Variants in TMEM230 observed in about 807,000 individuals in gnomAD.
TMEM230 encodes the protein UPF0414 transmembrane protein C20orf30.
TMEM230 carries 10 observed loss-of-function variants against 15.8 expected under a neutral mutation model. That is an observed-to-expected ratio of 0.63 (90% CI 0.39 to 1.07). The LOEUF (loss-of-function observed/expected upper bound fraction) is 1.07, where lower values mean the gene tolerates loss of function less well. TMEM230 is among the 50% of genes least tolerant of loss of function. The pLI is 0.01. For synonymous variants in TMEM230, 67 were observed against 76.9 expected (o/e 0.87, Z 0.68); for missense variants, 165 against 193.3 (o/e 0.85, Z 0.87).
intron 3 of TMEM230, among the ~76,000 whole-genome samples, chr20:5,082,078 G>A (rs1002144206): frequency 3.4e-4 from 51 of 151,062 alleles, no homozygotes; most frequent in African/African-American, 1.2e-3. Context: ...GCAGAGATGT[G>A]GTTTCGCCAT....
At chr20:5,106,078 AAC>A (rs61087830) in intron 4 of TMEM230, 108 bp downstream of exon 3, 20,441 of 546,048 alleles carry the variant, frequency 0.037, 28 homozygotes, top group East Asian at 0.05. Flanking sequence ...GGGACGGACA[AAC>A]ACACACACAC....
chr20:5,078,857 A>G (rs113470464), intron 3 of TMEM230, among the ~76,000 whole-genome samples: 4,253 of 151,804 alleles, frequency 0.028, 190 homozygotes, highest in African/African-American at 0.096. Context: ...TGGTGTGATC[A>G]TGGTTCCCTG....
chr20:5,083,223 C>T (rs1312640281), intron 3 of TMEM230, among the ~76,000 whole-genome samples: 8 of 151,720 alleles, frequency 5.3e-5, no homozygotes, highest in South Asian at 2.1e-4. Flanking sequence ...CCACCGCACC[C>T]GGCCTAATTC....
intron 4 of TMEM230, among the ~76,000 whole-genome samples, chr20:5,103,800 A>G (rs1182213894): frequency 6.6e-6 from 1 of 152,202 alleles, no homozygotes; most frequent in Admixed American, 6.5e-5. Flanking sequence ...AGAATGGATT[A>G]AACACTTAAA....
At chr20:5,074,220 T>A (rs1242140869) in intron 3 of TMEM230, among the ~76,000 whole-genome samples, 2 of 152,138 alleles carry the variant, frequency 1.3e-5, no homozygotes, top group African/African-American at 4.8e-5. Context: ...ATCCAAACCA[T>A]ATCACTGCCC....
chr20:5,096,702 G>C (rs540045269), downstream of TMEM230, among the ~76,000 whole-genome samples: 1 of 152,298 alleles, frequency 6.6e-6, no homozygotes, highest in African/African-American at 2.4e-5. Context: ...AGAGCAGCTG[G>C]CCTGCTAGGC....
chr20:5,086,233 A>T (rs2089333661), intron 3 of TMEM230, among the ~76,000 whole-genome samples: 1 of 63,966 alleles, frequency 1.6e-5, no homozygotes, highest in Admixed American at 1.3e-4. Flanking sequence ...TTTCTATTAA[A>T]AAAAAAAAAA....
chr20:5,102,218 TG>T (rs1422225321), intron 4 of TMEM230, among the ~76,000 whole-genome samples: 1 of 152,236 alleles, frequency 6.6e-6, no homozygotes, highest in African/African-American at 2.4e-5. Context: ...AAAATCTTTT[TG>T]GTTTTTCTGC....
chr20:5,065,742 A>G (rs1207608105), downstream of TMEM230, among the ~76,000 whole-genome samples: 1 of 152,162 alleles, frequency 6.6e-6, no homozygotes, highest in Non-Finnish European at 1.5e-5. Context: ...GGGAGCTCAT[A>G]TGAAGGACAG....
rs1228810763 is a variant in TMEM230 at position 5,111,587 on chromosome 20, CG to C, written c.86del (p.Ser29CysfsTer9). ...TCACACCACTGGGCTCCAGCCTGGG[CG>C]ACAGAACTAGACTCCATCTAAAAAA... On this transcript the variant is annotated frameshift_variant, in exon 2 of 5. Transcript: ENST00000342308. LOFTEE classifies it high-confidence loss of function. 3 of 126,584 alleles carry C rather than the reference CG, an allele frequency of 2.4e-5. No homozygotes were observed. Among genetic ancestry groups the C allele is most frequent in the African/African-American group, 1.0e-4 (3 of 28,846 alleles). The allele number at this position is 126,584 out of a possible 1,614,324, so 7.8% of individuals were successfully genotyped here.
downstream of TMEM230, among the ~76,000 whole-genome samples, chr20:5,067,532 C>T (rs2088688694): frequency 6.7e-6 from 1 of 149,424 alleles, no homozygotes; most frequent in African/African-American, 2.5e-5. Context: ...CAACCTCCAC[C>T]TCCTGGGTTC....
At chr20:5,085,065 G>A (rs2089295476) in intron 3 of TMEM230, among the ~76,000 whole-genome samples, 2 of 152,000 alleles carry the variant, frequency 1.3e-5, no homozygotes, top group South Asian at 4.2e-4. Context: ...CACACACAAG[G>A]TTGTACCTAA....
At chr20:5,069,207 T>C (rs1167812531) in exon 4 of TMEM230, 3 of 1,534,818 alleles carry the variant, frequency 2.0e-6, no homozygotes. Context: ...TGATGACACC[T>C]GTGTTCCTCT....
intron 3 of TMEM230, among the ~76,000 whole-genome samples, chr20:5,077,844 A>AG (rs2089051883): frequency 6.6e-6 from 1 of 151,796 alleles, no homozygotes; most frequent in African/African-American, 2.4e-5. Flanking sequence ...AAAAAAAAAA[A>AG]TCTGTGCCCT....
At chr20:5,109,916 C>T (rs2090245355) in intron 2 of TMEM230, among the ~76,000 whole-genome samples, 1 of 152,204 alleles carries the variant, frequency 6.6e-6, no homozygotes. Flanking sequence ...TCTTGTTTGA[C>T]AGGGAGGGAG....
At chr20:5,075,244 T>C (rs2088951725) in intron 3 of TMEM230, among the ~76,000 whole-genome samples, 2 of 150,760 alleles carry the variant, frequency 1.3e-5, no homozygotes, top group Admixed American at 1.3e-4. Context: ...TTTGTATTTT[T>C]AGTAGAGATG....
At chr20:5,078,906 C>T (rs6116635) in intron 3 of TMEM230, among the ~76,000 whole-genome samples, 78,119 of 151,966 alleles carry the variant, frequency 0.51, 20,729 homozygotes, top group East Asian at 0.84. Context: ...CCTCCTGCCT[C>T]AGCCTTCCAA....
chr20:5,083,809 A>G (rs967695176), intron 3 of TMEM230, among the ~76,000 whole-genome samples: 1 of 152,172 alleles, frequency 6.6e-6, no homozygotes, highest in Non-Finnish European at 1.5e-5. Flanking sequence ...AAATTTCCAT[A>G]ATATTGTTCA....
chr20:5,106,078 AACACACACAC>A (rs61087830), intron 4 of TMEM230, 100 bp downstream of exon 3: 103 of 551,100 alleles, frequency 1.9e-4, no homozygotes, highest in Non-Finnish European at 2.1e-4. Flanking sequence ...GGGACGGACA[AACACACACAC>A]ACACACACAC....
Sources: gnomAD v4.1 joint callset for allele counts (sites outside exome capture counted in the v4.1 genomes callset) on GRCh38, gnomAD v4.1.1 for gene constraint, MANE v1.5 for transcripts, NCBI Gene and HGNC (gene_info 2026-07-23, HGNC 2026-07-21) for gene names.